Variants in GLIS3 observed in about 807,000 individuals in gnomAD.
GLIS3 encodes the protein GLIS family zinc finger 3, also known as zinc finger protein GLIS3.
GLIS3 carries 53 observed loss-of-function variants against 78.6 expected under a neutral mutation model. That is an observed-to-expected ratio of 0.67 (90% CI 0.54 to 0.85). GLIS3 has a LOEUF of 0.85. Among genes scored for constraint, GLIS3 ranks in the 40% least tolerant of loss-of-function variants. GLIS3 has a pLI of 0.00. For missense variants in GLIS3, 1,703 were observed against 1,231.1 expected (o/e 1.38, Z -5.74); for synonymous variants, 684 against 509.9 (o/e 1.34, Z -4.60).
At chr9:4,022,083 C>T (rs1822932374) in intron 4 of GLIS3, among the ~76,000 whole-genome samples, 1 of 152,000 alleles carries the variant, frequency 6.6e-6, no homozygotes, top group South Asian at 2.1e-4. Context: ...AACTTAATGT[C>T]TAAAGACTTG....
intron 4 of GLIS3, among the ~76,000 whole-genome samples, chr9:4,039,550 C>T (rs910481527): frequency 2.6e-5 from 4 of 152,156 alleles, no homozygotes; most frequent in African/African-American, 9.7e-5. Context: ...TTACAGACCA[C>T]CTCATCTAAC....
At chr9:4,095,308 C>T (rs764549814) in intron 4 of GLIS3, among the ~76,000 whole-genome samples, 4 of 152,090 alleles carry the variant, frequency 2.6e-5, no homozygotes, top group Admixed American at 6.5e-5. Context: ...AAAAAGCTAT[C>T]CAAATTCTGA....
chr9:4,481,353 G>A, the GLIS3 span, among the ~76,000 whole-genome samples: 2 of 152,100 alleles, frequency 1.3e-5, no homozygotes, highest in African/African-American at 2.4e-5. Flanking sequence ...GTATGGTGGT[G>A]TGTGCCTGTA....
intron 4 of GLIS3, chr9:4,035,923 G>A (rs987453736): frequency 1.3e-5 from 2 of 152,390 alleles, no homozygotes; most frequent in African/African-American, 4.8e-5. Context: ...GGCTCACTCA[G>A]GTGGAACCTC....
chr9:4,481,535 T>TGA, the GLIS3 span, among the ~76,000 whole-genome samples: 1 of 151,960 alleles, frequency 6.6e-6, no homozygotes, highest in Non-Finnish European at 1.5e-5. Context: ...TGTGTGTGTG[T>TGA]GTGTGTGTAC....
chr9:4,051,292 A>T (rs1825729724), intron 4 of GLIS3, among the ~76,000 whole-genome samples: 1 of 152,196 alleles, frequency 6.6e-6, no homozygotes, highest in Non-Finnish European at 1.5e-5. Context: ...CTGAAGGAAA[A>T]AGAAAGGTGT....
intron 4 of GLIS3, among the ~76,000 whole-genome samples, chr9:4,060,853 C>A (rs1355569816): frequency 2.0e-5 from 3 of 152,178 alleles, no homozygotes; most frequent in African/African-American, 7.2e-5. Flanking sequence ...TGTAGTTCAT[C>A]CAGCCTCTGC....
chr9:4,144,921 A>C (rs1489201085), intron 2 of GLIS3: 4 of 152,230 alleles, frequency 2.6e-5, no homozygotes, highest in Non-Finnish European at 5.9e-5. Context: ...CTTGTTCTTC[A>C]TAACTGTCTT....
At chr9:4,436,102 T>A in the GLIS3 span, among the ~76,000 whole-genome samples, 1 of 152,254 alleles carries the variant, frequency 6.6e-6, no homozygotes, top group East Asian at 1.9e-4. Context: ...CAAAATATTT[T>A]AGACATTTGC....
the GLIS3 span, among the ~76,000 whole-genome samples, chr9:4,377,153 A>C: frequency 7.4e-6 from 1 of 135,082 alleles, no homozygotes; most frequent in Admixed American, 7.4e-5. Flanking sequence ...TGTGTCTGTG[A>C]GGGTGTTGCC....
In GLIS3 at chr9:4,112,113, A is replaced by C. The variant is rs573487763; in HGVS notation, c.1710+5655T>G. On this transcript the variant is annotated intron_variant, in intron 4 of 10. Coordinates refer to ENST00000381971, the MANE Select transcript of GLIS3 (RefSeq NM_001042413.2). ...GACAAATTTGTCAGTTCCACTGCCAAATCAAGGAGGCAAGGAGGTGGCAAC... is the reference window on the plus strand; with the variant it reads ...GACAAATTTGTCAGTTCCACTGCCACATCAAGGAGGCAAGGAGGTGGCAAC... Among the ~76,000 whole-genome samples the C allele has an allele frequency of 3.3e-5, 5 of 152,302 alleles. No individual in the cohort carries two copies. In the East Asian group the frequency reaches 9.6e-4, roughly 29 times the overall value.
At chr9:4,239,892 C>A (rs1347335355) in intron 2 of GLIS3, among the ~76,000 whole-genome samples, 1 of 152,176 alleles carries the variant, frequency 6.6e-6, no homozygotes, top group Admixed American at 6.5e-5. Context: ...AACTCTGTAT[C>A]ATTAGACCTT....
chr9:4,318,626 TA>T (rs750762285), intron 2 of GLIS3, among the ~76,000 whole-genome samples: 111 of 152,128 alleles, frequency 7.3e-4, no homozygotes, highest in African/African-American at 2.6e-3. Flanking sequence ...CACACAGAGA[TA>T]AAAAAATATA....
At chr9:3,842,332 T>C (rs1002049634) in intron 9 of GLIS3, among the ~76,000 whole-genome samples, 2 of 151,964 alleles carry the variant, frequency 1.3e-5, no homozygotes, top group African/African-American at 4.8e-5. Context: ...ATTAGTCTGG[T>C]ATGGTGGTGG....
At chr9:4,021,141 A>G (rs1182098110) in intron 4 of GLIS3, among the ~76,000 whole-genome samples, 1 of 150,382 alleles carries the variant, frequency 6.6e-6, no homozygotes, top group African/African-American at 2.5e-5. Context: ...ATACTATAGT[A>G]TGCTATAATA....
At chr9:4,315,460 G>A (rs983751011) in intron 2 of GLIS3, among the ~76,000 whole-genome samples, 13 of 152,094 alleles carry the variant, frequency 8.5e-5, no homozygotes, top group Non-Finnish European at 1.9e-4. Context: ...TAAGTTTAAA[G>A]TTTTATTTTT....
At chr9:4,087,126 CAT>C (rs1264082418) in intron 4 of GLIS3, among the ~76,000 whole-genome samples, 1 of 152,088 alleles carries the variant, frequency 6.6e-6, no homozygotes, top group Non-Finnish European at 1.5e-5. Context: ...GCCAATAAAT[CAT>C]GTGAAGTGGA....
At chr9:4,405,918 C>T in the GLIS3 span, among the ~76,000 whole-genome samples, 7 of 152,320 alleles carry the variant, frequency 4.6e-5, no homozygotes, top group African/African-American at 1.2e-4. Flanking sequence ...GTTCAACATA[C>T]GTCCATCAAT....
intron 8 of GLIS3, 77 bp downstream of exon 8, chr9:3,879,350 G>A (rs780526946): frequency 2.2e-6 from 3 of 1,389,024 alleles, no homozygotes; most frequent in East Asian, 4.6e-5. Context: ...ATAAAATTCA[G>A]CAACTGTCAA....
Sources: allele counts gnomAD v4.1 joint callset (sites outside exome capture counted in the v4.1 genomes callset), GRCh38; gene constraint gnomAD v4.1.1; transcripts MANE v1.5; gene names NCBI Gene and HGNC (gene_info 2026-07-23, HGNC 2026-07-21).